The following ABCA7 variants were observed in gnomAD, a reference collection of about 807,000 sequenced individuals.
ABCA7 encodes ATP binding cassette subfamily A member 7.
Under a neutral mutation model 227.6 loss-of-function variants are expected in ABCA7, and 261 were observed. That is an observed-to-expected ratio of 1.15 (90% CI 1.04 to 1.27). The LOEUF (loss-of-function observed/expected upper bound fraction) is 1.27. ABCA7 is among the 50% of genes most tolerant of loss of function. ABCA7 has a pLI of 0.00. For synonymous variants in ABCA7, 1,488 were observed against 1,279.7 expected (o/e 1.16, Z -3.47); for missense variants, 3,331 against 2,924.5 (o/e 1.14, Z -3.21).
intron 9 of ABCA7, 39 bp from the exon 10 acceptor site, chr19:1,043,683 AGAG>A: frequency 6.3e-7 from 1 of 1,593,478 alleles, no homozygotes; most frequent in Non-Finnish European, 8.6e-7. Flanking sequence ...AGGGGTCCTC[AGAG>A]GAGGAGAGGG....
At chr19:1,049,075 C>A (rs1398735980) in intron 17 of ABCA7, 70 bp downstream of exon 17, 7 of 975,488 alleles carry the variant, frequency 7.2e-6, no homozygotes, top group Non-Finnish European at 9.2e-6. Flanking sequence ...CGAGATTCCA[C>A]AGATGCCAAT....
intron 23 of ABCA7, 72 bp from the exon 24 acceptor site, chr19:1,053,257 A>G (rs1599664820): frequency 2.7e-6 from 4 of 1,482,676 alleles, no homozygotes; most frequent in East Asian, 2.4e-5. Context: ...CAGGTCACCA[A>G]TGCCTCTTCC....
chr19:1,063,541 C>G lies in ABCA7; in HGVS notation c.5713-3C>G. ...CCATGCCTACTCTGGCCCCACCCCACAGACCGCTGGCTCGGGCCTGGCGCG... is the reference window on the plus strand; with the variant it reads ...CCATGCCTACTCTGGCCCCACCCCAGAGACCGCTGGCTCGGGCCTGGCGCG... On this transcript the variant is annotated splice_polypyrimidine_tract_variant and splice_region_variant and intron_variant, in intron 42 of 46. Transcript: ENST00000263094. 1 of 1,610,220 alleles carries G rather than the reference C, an allele frequency of 6.2e-7. No individual in the cohort carries two copies. The highest frequency in any genetic ancestry group is 8.5e-7 in the Non-Finnish European group (1 of 1,179,822).
At chr19:1,064,843 G>A in intron 45 of ABCA7, 88 bp from the exon 46 acceptor site, 2 of 1,457,148 alleles carry the variant, frequency 1.4e-6, no homozygotes, top group Non-Finnish European at 1.8e-6. Flanking sequence ...GTATGGGGCG[G>A]GGCCAGAGAG....
chr19:1,063,927 A>C, intron 44 of ABCA7, 64 bp downstream of exon 44: 1 of 1,468,998 alleles, frequency 6.8e-7, no homozygotes, highest in East Asian at 2.5e-5. Context: ...AGAGAGCCCC[A>C]AAGCACAAGG....
rs1205031551 is a variant in ABCA7 at position 1,063,602 on chromosome 19, G to T, written c.5771G>T (p.Gly1924Val). 4 of 1,611,274 alleles carry T rather than the reference G, an allele frequency of 2.5e-6. No individual in the cohort carries two copies. The highest frequency in any genetic ancestry group is 3.4e-6 in the Non-Finnish European group (4 of 1,179,926). The stretch of plus-strand genomic sequence containing the variant: ...TCATGGTACGCAGACCGGCCTGCAG[G>T]CACCTACAGCGGAGGGAACAAACGC... ...GLSWYADRPA[G>V]TYSGGNKRKL... Residue 1924 changes from glycine to valine, a missense_variant, in exon 43 of 47, where the codon GGC becomes GTC. Transcript: ENST00000263094.
chr19:1,040,150 G>C lies in ABCA7; in HGVS notation c.-184G>C, dbSNP rs2039865374. On this transcript the variant is annotated 5_prime_UTR_variant, in exon 1 of 47. Coordinates refer to ENST00000263094, the MANE Select transcript of ABCA7 (RefSeq NM_019112.4). ...TTAAGGGGCGGCGCGCTCCCTGCCTGCTGCTGGGCGGAGGGAAGGCGGCAA... is the reference window on the plus strand; with the variant it reads ...TTAAGGGGCGGCGCGCTCCCTGCCTCCTGCTGGGCGGAGGGAAGGCGGCAA... 6.6e-6 allele frequency: 1 copy of C among 152,294 alleles called. No individual in the cohort carries two copies. Among genetic ancestry groups the C allele is most frequent in the East Asian group, 1.9e-4 (1 of 5,198 alleles). The allele number at this position is 152,294 out of a possible 1,614,324, so 9.4% of individuals were successfully genotyped here. A position where few individuals can be genotyped will look rare whatever the true frequency, so the allele number is the denominator to read the frequency against.
At chr19:1,044,545 C>A in intron 10 of ABCA7, 32 bp from the exon 11 acceptor site, 5 of 1,598,912 alleles carry the variant, frequency 3.1e-6, no homozygotes, top group Non-Finnish European at 4.3e-6. Flanking sequence ...CTGTGCCCGA[C>A]CCAGACTCTC....
rs1379571296 is a variant in ABCA7, at chr19:1,058,836, C to T, written c.5296C>T (p.Leu1766=). Residue 1766 remains leucine (L), a synonymous_variant, in exon 39 of 47, where the codon CTG becomes TTG. Transcript: ENST00000263094. ...TGTCCCCAGGCCCAGGGTGAGGTCT[C>T]TGCCACTCCTGGGAGAGGAGGACGA... ...QLLPQPRVRS[L]PLLGEEDEDV... is the part of the protein sequence containing the mutation. 6 of 1,577,362 alleles carry T rather than the reference C, an allele frequency of 3.8e-6. No individual in the cohort carries two copies. In the African/African-American group the frequency reaches 4.1e-5, roughly 11 times the overall value.
chr19:1,051,531 C>A lies in ABCA7; in HGVS notation c.2907C>A (p.Gly969=). 6.2e-7 allele frequency: 1 copy of A among 1,612,576 alleles called. No individual in the cohort carries two copies. Among genetic ancestry groups the A allele is most frequent in the Non-Finnish European group, 8.5e-7 (1 of 1,179,908 alleles). The change falls in exon 21 of 47, where the codon GGC becomes GGA. Residue 969 remains glycine, a synonymous_variant. Coordinates refer to ENST00000263094, the MANE Select transcript of ABCA7 (RefSeq NM_019112.4). ...QVVILDEPTA[G]VDPASRRGIW... is the part of the protein sequence containing the mutation. ...TTATCCTGGACGAGCCTACGGCTGG[C>A]GTGGATCCTGCTTCCCGCCGCGGTA...
Position 1,049,252 on chromosome 19 carries a change from C to A in ABCA7, c.2381-14C>A, listed in dbSNP as rs1402289567. ...CCCATGACCTCCATGGCTGAGTCCA[C>A]CCCATCTCTGCAGTGCTGGTAGAAG... On this transcript the variant is annotated splice_polypyrimidine_tract_variant and intron_variant, in intron 17 of 46. Transcript: ENST00000263094. The A allele has an allele frequency of 6.3e-7, 1 of 1,585,676 alleles. No individual in the cohort carries two copies. Among genetic ancestry groups the A allele is most frequent in the Middle Eastern group, 1.7e-4 (1 of 5,936 alleles).
chr19:1,051,659 A>G, intron 21 of ABCA7, 73 bp downstream of exon 21: 1 of 1,437,898 alleles, frequency 7.0e-7, no homozygotes, highest in Non-Finnish European at 9.5e-7. Context: ...TGGGGTTTTG[A>G]GGAATGAGTA....
At position 1,043,082 on chromosome 19, in the gene ABCA7, G is replaced by A. The variant is rs751613161; in HGVS notation, c.621G>A (p.Leu207=). 119 of 1,611,834 alleles carry A rather than the reference G, an allele frequency of 7.4e-5. 3 individuals carry two copies. The South Asian group carries it at 1.3e-3, about 17-fold the overall frequency. Residue 207 remains leucine, a synonymous_variant, in exon 8 of 47, where the codon CTG becomes CTA. Transcript: ENST00000263094. ...LRSLVELRAL[L]QRPRGTSGPL... Reference sequence around the variant, plus strand: ...GCCTGGTGGAGCTTCGGGCACTGCTGCAGAGACCCCGAGGGACCAGCGGCC... The same window carrying A: ...GCCTGGTGGAGCTTCGGGCACTGCTACAGAGACCCCGAGGGACCAGCGGCC...
At position 1,053,416 on chromosome 19, in the gene ABCA7, T is replaced by A; in HGVS notation, c.3308T>A (p.Leu1103Gln). ...EELPHELVLV[L>Q]PYTGAHDGSF... ...CTGCCACACGAGCTGGTGCTGGTGC[T>A]GCCCTACACGGGTGCCCATGACGGC... The change falls in exon 24 of 47, where the codon CTG (leucine) becomes CAG (glutamine). Residue 1103 changes from leucine to glutamine, a missense_variant. Physicochemically the swap from Leu to Gln is moderately radical, Grantham distance 113. Transcript: ENST00000263094. 6.2e-7 allele frequency: 1 copy of A among 1,607,944 alleles called. No homozygotes were observed. The highest frequency in any genetic ancestry group is 8.5e-7 in the Non-Finnish European group (1 of 1,178,648).
intron 1 of ABCA7, among the ~76,000 whole-genome samples, chr19:1,040,509 A>G (rs1346939851): frequency 6.6e-6 from 1 of 152,066 alleles, no homozygotes; most frequent in East Asian, 1.9e-4. Context: ...GATGTAAAGG[A>G]AAGAACCCTG....
chr19:1,045,221 A>G lies in ABCA7; in HGVS notation c.1435A>G (p.Ile479Val). Residue 479 changes from isoleucine to valine, a missense_variant, in exon 12 of 47, where the codon ATC becomes GTC. Physicochemically the swap from Ile to Val is conservative, Grantham distance 29. Transcript: ENST00000263094. ...TGACGTGGTCACGAGGACCAATAAG[A>G]TCAGGGACAGGTCAGGCGAGGGAGG... ...DIDVVTRTNK[I>V]RDRFWDPGPA... The G allele has an allele frequency of 6.3e-7, 1 of 1,594,308 alleles. No homozygotes were observed. Among genetic ancestry groups the G allele is most frequent in the South Asian group, 1.1e-5 (1 of 90,862 alleles).
At chr19:1,058,969 G>A (rs202188982) in intron 39 of ABCA7, 29 bp downstream of exon 39, 4 of 1,610,580 alleles carry the variant, frequency 2.5e-6, no homozygotes, top group Admixed American at 1.7e-5. Flanking sequence ...ACTGCTGGGT[G>A]GGGGGTGCTC....
chr19:1,056,763 C>A lies in ABCA7; in HGVS notation c.4587-144C>A. 2.0e-6 allele frequency: 2 copies of A among 1,010,828 alleles called. No individual in the cohort carries two copies. Among genetic ancestry groups the A allele is most frequent in the Non-Finnish European group, 3.0e-6 (2 of 672,432 alleles). The allele number at this position is 1,010,828 out of a possible 1,614,324, so 62.6% of individuals were successfully genotyped here. A position where few individuals can be genotyped will look rare whatever the true frequency, so the allele number is the denominator to read the frequency against. On this transcript the variant is annotated intron_variant, in intron 33 of 46. Coordinates refer to ENST00000263094, the MANE Select transcript of ABCA7 (RefSeq NM_019112.4). The surrounding 1 kb of genome is among the most constrained non-coding windows in gnomAD (Gnocchi z 4.3). ...ACAACCTCTGCTGCCAAATCCCAGG[C>A]ACCCTCATCCCTAAATTGCCCCTGC...
At position 1,042,394 on chromosome 19, in the gene ABCA7, C is replaced by T. The variant is rs140835505; in HGVS notation, c.495C>T (p.Arg165=). Residue 165 remains arginine (R), a synonymous_variant, in exon 6 of 47, where the codon CGC becomes CGT. Transcript: ENST00000263094. ...DVAELLTSLL[R]TESLGLALGQ... ...CGGAGCTGCTGACGTCACTGCTGCG[C>T]ACGGTAGGGTGTCGGGGCGGGACCG... The T allele has an allele frequency of 1.3e-4, 213 of 1,610,152 alleles. 1 individual carries two copies. In the African/African-American group the frequency reaches 1.7e-3, roughly 13 times the overall value.
Sources: allele counts gnomAD v4.1 joint callset (sites outside exome capture counted in the v4.1 genomes callset), GRCh38; gene constraint gnomAD v4.1.1; non-coding constraint Gnocchi (gnomAD v3.1); transcripts MANE v1.5; gene names NCBI Gene and HGNC (gene_info 2026-07-23, HGNC 2026-07-21).